DENND4A: variants seen among roughly 807,000 people sequenced by gnomAD.
The protein encoded by DENND4A is C-myc promoter-binding protein.
A neutral mutation model predicts 199.3 loss-of-function variants in DENND4A; 70 were observed. The ratio of observed to expected loss-of-function variants is 0.35; its 90% CI spans 0.29 to 0.43. The LOEUF (loss-of-function observed/expected upper bound fraction) is 0.43, where lower values mean the gene tolerates loss of function less well. Among genes scored for constraint, DENND4A ranks in the 20% least tolerant of loss-of-function variants. The pLI, the probability that DENND4A is intolerant of heterozygous loss-of-function variation, is 1.00. For missense variants in DENND4A, 1,723 were observed against 2,255.8 expected (o/e 0.76, Z 4.78); for synonymous variants, 686 against 766.9 (o/e 0.89, Z 1.74).
intron 24 of DENND4A, among the ~76,000 whole-genome samples, chr15:65,672,878 T>TC (rs1423860169): frequency 1.3e-5 from 2 of 151,712 alleles, no homozygotes; most frequent in African/African-American, 4.8e-5. Context: ...TATTTTTTTT[T>TC]TTTTGAGACA....
At chr15:65,729,306 C>A (rs1314117222) in intron 10 of DENND4A, 59 bp from the exon 11 acceptor site, 1 of 1,511,906 alleles carries the variant, frequency 6.6e-7, no homozygotes, top group Non-Finnish European at 9.0e-7. Flanking sequence ...CATAATTTAT[C>A]AGCACACACA....
In DENND4A at chr15:65,775,637, CAAAAAAAAA is replaced by C. The variant is rs59714693; in HGVS notation, c.-101-14208_-101-14200del. The stretch of plus-strand genomic sequence containing the variant: ...GCCTGGGTGACAGTGCAAGACTCCT[CAAAAAAAAA>C]AAAAAAAAAAAAAAAAAGCAATAAA... On this transcript the variant is annotated intron_variant, in intron 1 of 32. Coordinates refer to ENST00000443035, the MANE Select transcript of DENND4A (RefSeq NM_001320835.1). 1.8e-3 allele frequency among the ~76,000 whole-genome samples: 49 copies of C among 27,684 alleles called. 2 individuals are homozygous for C. Among genetic ancestry groups the C allele is most frequent in the South Asian group, 1.7e-3 (1 of 600 alleles). 18.2% of individuals were successfully genotyped at this position (27,684 alleles called of 152,430 possible).
intron 3 of DENND4A, 50 bp downstream of exon 3, chr15:65,756,090 A>C (rs749586562): frequency 2.8e-6 from 4 of 1,431,990 alleles, no homozygotes; most frequent in African/African-American, 1.4e-5. Flanking sequence ...CAAATCTACA[A>C]GGCATATTAT....
In DENND4A at chr15:65,701,054, A is replaced by T. The variant is rs746139345; in HGVS notation, c.2698T>A (p.Ser900Thr). ...KHAHLSQTTL[S>T]ADGSDLDAVS... Reference sequence around the variant, plus strand: ...GTAAAACACATACATCCCTTACCTGAGAGAGTTGTTTGTGATAAGTGTGCA... The same window carrying T: ...GTAAAACACATACATCCCTTACCTGTGAGAGTTGTTTGTGATAAGTGTGCA... The change falls in exon 19 of 33, where the codon TCA becomes ACA. Residue 900 changes from serine (S) to threonine (T), a missense_variant. Coordinates refer to ENST00000443035, the MANE Select transcript of DENND4A (RefSeq NM_001320835.1). 6.2e-7 allele frequency: 1 copy of T among 1,605,782 alleles called. No homozygotes were observed. Among genetic ancestry groups the T allele is most frequent in the Admixed American group, 1.7e-5 (1 of 58,194 alleles).
intron 23 of DENND4A, among the ~76,000 whole-genome samples, chr15:65,677,494 C>T (rs2076419688): frequency 6.6e-6 from 1 of 152,210 alleles, no homozygotes; most frequent in East Asian, 1.9e-4. Context: ...CACGCCTGAG[C>T]CACCGTGCCT....
intron 4 of DENND4A, among the ~76,000 whole-genome samples, chr15:65,745,359 C>CTAAAAAAT (rs2076360979): frequency 6.6e-6 from 1 of 151,892 alleles, no homozygotes; most frequent in Non-Finnish European, 1.5e-5. Flanking sequence ...AAATAAAAAC[C>CTAAAAAAT]CTTAACCTTT....
At chr15:65,706,534 A>T (rs569715853) in intron 14 of DENND4A, among the ~76,000 whole-genome samples, 1 of 148,484 alleles carries the variant, frequency 6.7e-6, no homozygotes, top group Non-Finnish European at 1.5e-5. Flanking sequence ...GTCTTGCTCT[A>T]TCGCCAGGAT....
intron 14 of DENND4A, 79 bp from the exon 15 acceptor site, chr15:65,706,303 A>C: frequency 7.6e-7 from 1 of 1,311,716 alleles, no homozygotes; most frequent in East Asian, 2.8e-5. Flanking sequence ...GTGGTTAAAT[A>C]AACCATCTGC....
chr15:65,661,884 T>C lies in DENND4A; in HGVS notation c.5691A>G (p.Glu1897=). The C allele has an allele frequency of 6.2e-7, 1 of 1,611,984 alleles. No homozygotes were observed. Among genetic ancestry groups the C allele is most frequent in the South Asian group, 1.1e-5 (1 of 90,544 alleles). ...CDRPPSTGVM[E]CRKTFGEPYL is the part of the protein sequence containing the mutation. ...AAGGTTCTCCAAAGGTTTTTCGACA[T>C]TCCATCACCCCTGTACTTGGTGGTC... Residue 1897 remains glutamate (E), a synonymous_variant, in exon 33 of 33, where the codon GAA becomes GAG. Transcript: ENST00000443035.
rs1204617408 is a variant in DENND4A, at chr15:65,761,371, A to G, written c.-34T>C. 1.3e-5 allele frequency: 2 copies of G among 152,220 alleles called. No individual in the cohort carries two copies. The highest frequency in any genetic ancestry group is 2.9e-5 in the Non-Finnish European group (2 of 68,030). 9.4% of individuals were successfully genotyped at this position (152,220 alleles called of 1,614,324 possible). A position where few individuals can be genotyped will look rare whatever the true frequency, so the allele number is the denominator to read the frequency against. On this transcript the variant is annotated 5_prime_UTR_variant, in exon 2 of 33. Transcript: ENST00000443035. ...CAAAAACTACTTACACATTACCGAAAGTTTCTCTCTGAAAAAGATGACAGA... is the reference window on the plus strand; with the variant it reads ...CAAAAACTACTTACACATTACCGAAGGTTTCTCTCTGAAAAAGATGACAGA...
chr15:65,758,915 T>C (rs1238591373), intron 2 of DENND4A, among the ~76,000 whole-genome samples: 1 of 152,132 alleles, frequency 6.6e-6, no homozygotes, highest in Non-Finnish European at 1.5e-5. Context: ...TGAACCACAT[T>C]TTCCCACTTA....
chr15:65,681,003 AAG>A (rs1454764479), intron 23 of DENND4A: 1 of 152,204 alleles, frequency 6.6e-6, no homozygotes, highest in African/African-American at 2.4e-5. Flanking sequence ...TGTGGTAAAA[AAG>A]AGGATAATAA....
chr15:65,724,029 G>A (rs2075727882), intron 11 of DENND4A, among the ~76,000 whole-genome samples: 1 of 151,948 alleles, frequency 6.6e-6, no homozygotes, highest in African/African-American at 2.4e-5. Context: ...AAAGCATTTG[G>A]ACTTAAAGAT....
At chr15:65,771,800 C>T (rs2077134549) in intron 1 of DENND4A, 1 of 1,613,632 alleles carries the variant, frequency 6.2e-7, no homozygotes, top group Non-Finnish European at 8.5e-7. Context: ...TCTTCATTGC[C>T]CGTGAGGTCA....
chr15:65,739,598 C>G (rs759616594), intron 5 of DENND4A, among the ~76,000 whole-genome samples: 5 of 152,104 alleles, frequency 3.3e-5, no homozygotes, highest in Non-Finnish European at 7.4e-5. Context: ...CAAGTAGAAA[C>G]TATCACTAGA....
At chr15:65,736,887 GT>G (rs1464485169) in intron 7 of DENND4A, among the ~76,000 whole-genome samples, 1 of 151,944 alleles carries the variant, frequency 6.6e-6, no homozygotes, top group Non-Finnish European at 1.5e-5. Context: ...GCTCACTAAA[GT>G]TTTTTTAGTT....
chr15:65,753,483 C>T (rs1018256972), intron 3 of DENND4A, among the ~76,000 whole-genome samples: 4 of 151,968 alleles, frequency 2.6e-5, no homozygotes, highest in African/African-American at 7.2e-5. Context: ...CTCAGCCTCC[C>T]GAGTAGCTGG....
rs2074904137 is a variant in DENND4A, at chr15:65,702,363, T to C, written c.2372A>G (p.Lys791Arg). 6.4e-7 allele frequency: 1 copy of C among 1,554,106 alleles called. No individual in the cohort carries two copies. Among genetic ancestry groups the C allele is most frequent in the African/African-American group, 1.4e-5 (1 of 73,136 alleles). The change falls in exon 17 of 33, where the codon AAA becomes AGA. Residue 791 changes from lysine to arginine, a missense_variant. This residue lies in a region of DENND4A where 725 missense variants were observed against 952.9 expected (regional missense o/e 0.76). Transcript: ENST00000443035. ...TTTTTTAAGCACATCATATGCTGTT[T>C]TCAGAGCCCTGACTTTTGAATGACA... Reference protein sequence around the residue: ...KVCHSKVRALKTAYDVLKKMQ... With the variant: ...KVCHSKVRALRTAYDVLKKMQ...
At chr15:65,698,798 C>G (rs903751316) in intron 20 of DENND4A, among the ~76,000 whole-genome samples, 1 of 120,616 alleles carries the variant, frequency 8.3e-6, no homozygotes, top group Admixed American at 1.1e-4. Context: ...AGTGCAGTGG[C>G]GTGATCTTGG....
Sources: allele counts gnomAD v4.1 joint callset (sites outside exome capture counted in the v4.1 genomes callset), GRCh38; gene constraint gnomAD v4.1.1; regional missense constraint gnomAD v4.1.1; transcripts MANE v1.5; gene names NCBI Gene and HGNC (gene_info 2026-07-23, HGNC 2026-07-21).